The following GALNTL6 variants were observed in gnomAD, a reference collection of about 807,000 sequenced individuals.
The protein encoded by GALNTL6 is polypeptide N-acetylgalactosaminyltransferase like 6, also known as polypeptide N-acetylgalactosaminyltransferase-like 6.
GALNTL6 carries 46 observed loss-of-function variants against 73.7 expected under a neutral mutation model. The ratio of observed to expected loss-of-function variants is 0.62; its 90% CI spans 0.49 to 0.80. GALNTL6 has a LOEUF of 0.80. Among genes scored for constraint, GALNTL6 ranks in the 30% least tolerant of loss-of-function variants. The pLI is 0.00. For synonymous variants in GALNTL6, 259 were observed against 263.7 expected, an observed-to-expected ratio of 0.98 and a Z score of 0.17; for missense variants, 604 against 755.0, an observed-to-expected ratio of 0.80 and a Z score of 2.34.
At chr4:172,178,083 G>T (rs1457008563) in intron 2 of GALNTL6, among the ~76,000 whole-genome samples, 1 of 151,894 alleles carries the variant, frequency 6.6e-6, no homozygotes, top group Non-Finnish European at 1.5e-5. Flanking sequence ...GGGCTTTGGA[G>T]CAAAAAGACT....
At chr4:172,857,331 G>T (rs2111125659) in intron 7 of GALNTL6, among the ~76,000 whole-genome samples, 1 of 152,236 alleles carries the variant, frequency 6.6e-6, no homozygotes, top group African/African-American at 2.4e-5. Flanking sequence ...CTCATCTTCA[G>T]CTTTTGGCCT....
chr4:172,707,388 A>G (rs1295224383), intron 5 of GALNTL6, among the ~76,000 whole-genome samples: 2 of 152,178 alleles, frequency 1.3e-5, no homozygotes, highest in Non-Finnish European at 1.5e-5. Context: ...ACCTCTTAAA[A>G]TCACAAGTAT....
In GALNTL6 at chr4:171,868,784, C is replaced by T. The variant is rs556733747; in HGVS notation, c.138+54066C>T. On this transcript the variant is annotated intron_variant, in intron 2 of 12. Coordinates refer to ENST00000506823, the MANE Select transcript of GALNTL6 (RefSeq NM_001034845.3). ...GCACCCTCTGCCTCCCGGGTTCAAG[C>T]GATTCTCCTGCTTCAGCCTCCTGAG... 5.3e-5 allele frequency among the ~76,000 whole-genome samples: 8 copies of T among 152,168 alleles called. No homozygotes were observed. In the South Asian group the frequency reaches 6.2e-4, roughly 12 times the overall value.
chr4:172,747,780 G>T (rs772034761), intron 5 of GALNTL6, among the ~76,000 whole-genome samples: 2 of 147,234 alleles, frequency 1.4e-5, no homozygotes, highest in East Asian at 4.2e-4. Flanking sequence ...TCCATCAAAT[G>T]ATTAACTTTT....
intron 5 of GALNTL6, among the ~76,000 whole-genome samples, chr4:172,397,679 G>A (rs1743898728): frequency 6.6e-6 from 1 of 151,918 alleles, no homozygotes; most frequent in Non-Finnish European, 1.5e-5. Flanking sequence ...CCAGATTCAA[G>A]CAATTCTCCT....
At chr4:172,449,055 C>T (rs980204970) in intron 5 of GALNTL6, among the ~76,000 whole-genome samples, 4 of 152,162 alleles carry the variant, frequency 2.6e-5, no homozygotes, top group Non-Finnish European at 4.4e-5. Context: ...GGAAGCCACA[C>T]TATCTTCTGG....
chr4:172,952,383 A>G, intron 10 of GALNTL6, 125 bp downstream of exon 10: 4 of 632,670 alleles, frequency 6.3e-6, no homozygotes, highest in Middle Eastern at 4.3e-4. Flanking sequence ...GCATTCATTT[A>G]AATCATCTCA....
At position 172,104,635 on chromosome 4, in the gene GALNTL6, A is replaced by T. The variant is rs562168088; in HGVS notation, c.139-125021A>T. Among the ~76,000 whole-genome samples, 15 of 152,252 alleles carry T rather than the reference A, an allele frequency of 9.9e-5. No individual in the cohort carries two copies. In the South Asian group the frequency reaches 3.1e-3, roughly 32 times the overall value. ...ATCTTCTACGTCATCTGTATTTTAGATCTATGAGTTTTAACCATATCTAGC... is the reference window on the plus strand; with the variant it reads ...ATCTTCTACGTCATCTGTATTTTAGTTCTATGAGTTTTAACCATATCTAGC... On this transcript the variant is annotated intron_variant, in intron 2 of 12. Transcript: ENST00000506823.
intron 5 of GALNTL6, among the ~76,000 whole-genome samples, chr4:172,477,074 A>G (rs1231670780): frequency 1.3e-5 from 2 of 151,484 alleles, no homozygotes; most frequent in African/African-American, 4.8e-5. Context: ...GGCGCCCGCC[A>G]CCACGCCCGG....
At chr4:171,844,475 A>G (rs1185972546) in intron 2 of GALNTL6, among the ~76,000 whole-genome samples, 2 of 151,622 alleles carry the variant, frequency 1.3e-5, no homozygotes, top group South Asian at 2.1e-4. Flanking sequence ...ACTCTTGGTG[A>G]CATTCAATCT....
intron 5 of GALNTL6, among the ~76,000 whole-genome samples, chr4:172,738,477 A>G (rs1038598472): frequency 1.3e-5 from 2 of 152,186 alleles, no homozygotes; most frequent in African/African-American, 4.8e-5. Flanking sequence ...GGATAAAAAT[A>G]TATTTTTTTA....
intron 2 of GALNTL6, among the ~76,000 whole-genome samples, chr4:172,161,456 A>G (rs1037025617): frequency 4.6e-5 from 7 of 152,024 alleles, no homozygotes; most frequent in African/African-American, 1.7e-4. Flanking sequence ...AGAGAGGGCA[A>G]TTATAAGCAG....
chr4:172,159,226 CTT>C (rs1314503317), intron 2 of GALNTL6, among the ~76,000 whole-genome samples: 1 of 152,108 alleles, frequency 6.6e-6, no homozygotes, highest in African/African-American at 2.4e-5. Flanking sequence ...AAGAGATACT[CTT>C]TTCACTGAAC....
intron 12 of GALNTL6, among the ~76,000 whole-genome samples, chr4:173,025,207 CAAT>C (rs1233724720): frequency 2.6e-5 from 4 of 152,200 alleles, no homozygotes; most frequent in Non-Finnish European, 5.9e-5. Context: ...CTGTTTCCTA[CAAT>C]AACAGGCACC....
chr4:172,568,367 G>C (rs1736634810), intron 5 of GALNTL6, among the ~76,000 whole-genome samples: 1 of 152,124 alleles, frequency 6.6e-6, no homozygotes, highest in Non-Finnish European at 1.5e-5. Context: ...CAGCACAAAG[G>C]CCTGACCTTG....
chr4:172,567,600 C>T (rs1233471782), intron 5 of GALNTL6, among the ~76,000 whole-genome samples: 2 of 152,158 alleles, frequency 1.3e-5, no homozygotes, highest in African/African-American at 4.8e-5. Context: ...CTTTAAAAGT[C>T]TAAGGCAGGA....
intron 2 of GALNTL6, among the ~76,000 whole-genome samples, chr4:171,895,200 T>A (rs112880133): frequency 0.015 from 2,217 of 152,304 alleles, 57 homozygotes; most frequent in African/African-American, 0.05. Flanking sequence ...TTAAAAATAT[T>A]AATACAAAGT....
intron 2 of GALNTL6, among the ~76,000 whole-genome samples, chr4:172,108,541 A>T (rs982278672): frequency 6.6e-6 from 1 of 152,136 alleles, no homozygotes; most frequent in African/African-American, 2.4e-5. Context: ...TTGGGTGAGT[A>T]AAGCAGAATG....
At chr4:172,494,818 T>TA (rs2110757611) in intron 5 of GALNTL6, among the ~76,000 whole-genome samples, 1 of 152,336 alleles carries the variant, frequency 6.6e-6, no homozygotes, top group East Asian at 1.9e-4. Context: ...TGCTTTATTC[T>TA]AGCCGCACTG....
Sources: gnomAD v4.1 joint callset for allele counts (sites outside exome capture counted in the v4.1 genomes callset) on GRCh38, gnomAD v4.1.1 for gene constraint, MANE v1.5 for transcripts, NCBI Gene and HGNC (gene_info 2026-07-23, HGNC 2026-07-21) for gene names.